Variants in PAPLN observed in about 807,000 individuals in gnomAD.
PAPLN encodes papilin.
PAPLN carries 146 observed loss-of-function variants against 159.0 expected under a neutral mutation model. That is an observed-to-expected ratio of 0.92 (90% CI 0.80 to 1.05). The LOEUF is 1.05. Among genes scored for constraint, PAPLN ranks in the 50% least tolerant of loss-of-function variants. The pLI is 0.00. For synonymous variants in PAPLN, 734 were observed against 702.9 expected (o/e 1.04, Z -0.70); for missense variants, 1,720 against 1,743.9 (o/e 0.99, Z 0.24).
Position 73,245,531 on chromosome 14 carries a change from C to A in PAPLN, c.171-105C>A. On this transcript the variant is annotated intron_variant, in intron 3 of 26. Transcript: ENST00000644200. This position sits in a 1 kb window ranked among gnomAD's most constrained non-coding sequence, Gnocchi z 4.2. ...CGGGGGACACCCTCTCACCTTGCTG[C>A]TCCCACTGGAGAGTCCCGCAGAAGT... is the stretch of plus-strand genomic sequence containing the variant. 7.8e-7 allele frequency: 1 copy of A among 1,277,542 alleles called. No homozygotes were observed. The highest frequency in any genetic ancestry group is 1.1e-6 in the Non-Finnish European group (1 of 924,248). 79.1% of individuals were successfully genotyped at this position (1,277,542 alleles called of 1,614,324 possible). A position where few individuals can be genotyped will look rare whatever the true frequency, so the allele number is the denominator to read the frequency against.
chr14:73,265,575 C>G lies in PAPLN; in HGVS notation c.3263+68C>G, dbSNP rs1332208923. The G allele has an allele frequency of 2.5e-6, 4 of 1,571,930 alleles. No individual in the cohort carries two copies. In the East Asian group the frequency reaches 9.0e-5, roughly 35 times the overall value. On this transcript the variant is annotated intron_variant, in intron 23 of 26. Coordinates refer to ENST00000644200, the MANE Select transcript of PAPLN (RefSeq NM_001365906.3). The surrounding 1 kb of genome is among the most constrained non-coding windows in gnomAD (Gnocchi z 4.1). ...CCCCACCTTATCCTATGGAGGCCAC[C>G]GGGGAAGGGAGCTGCTAGCGCATGG...
rs781454046 is a variant in PAPLN, at chr14:73,259,477, C to T, written c.1917C>T (p.Pro639=). 1.9e-5 allele frequency: 30 copies of T among 1,608,566 alleles called. No homozygotes were observed. Among genetic ancestry groups the T allele is most frequent in the South Asian group, 3.3e-5 (3 of 90,254 alleles). Residue 639 remains proline (P), a synonymous_variant, in exon 16 of 27, where the codon CCC becomes CCT. Coordinates refer to ENST00000644200, the MANE Select transcript of PAPLN (RefSeq NM_001365906.3). ...DCRHSPHGCC[P]DGHTASLGPQ... Reference sequence around the variant, plus strand: ...GACACAGTCCTCACGGGTGCTGCCCCGATGGCCACACGGCATCTCTCGGGC... The same window carrying T: ...GACACAGTCCTCACGGGTGCTGCCCTGATGGCCACACGGCATCTCTCGGGC...
intron 11 of PAPLN, chr14:73,253,311 G>A: frequency 8.0e-7 from 1 of 1,244,942 alleles, no homozygotes; most frequent in Non-Finnish European, 1.1e-6. Context: ...TCCTGGGATG[G>A]TGGCGGACTT....
Position 73,245,714 on chromosome 14 carries a change from C to CG in PAPLN, c.231+21dup. 1 of 1,539,986 alleles carries CG rather than the reference C, an allele frequency of 6.5e-7. No homozygotes were observed. Among genetic ancestry groups the CG allele is most frequent in the Non-Finnish European group, 8.7e-7 (1 of 1,147,162 alleles). ...GCACGGAGGTAAAGCTCACGGGGCG[C>CG]GGGCGAAGGCACCAGCTTCCCCAGC... is the stretch of plus-strand genomic sequence containing the variant. On this transcript the variant is annotated intron_variant, in intron 4 of 26. Transcript: ENST00000644200. This position sits in a 1 kb window ranked among gnomAD's most constrained non-coding sequence, Gnocchi z 4.2.
intron 19 of PAPLN, 27 bp downstream of exon 19, chr14:73,262,854 G>T: frequency 7.0e-7 from 1 of 1,431,880 alleles, no homozygotes; most frequent in East Asian, 2.6e-5. Flanking sequence ...CCAGGTGAGG[G>T]GGTTAGGACG....
Position 73,239,821 on chromosome 14 carries a change from C to T in PAPLN, c.43C>T (p.Pro15Ser), listed in dbSNP as rs1883338322. 8 of 1,591,356 alleles carry T rather than the reference C, an allele frequency of 5.0e-6. No individual in the cohort carries two copies. Among genetic ancestry groups the T allele is most frequent in the Non-Finnish European group, 6.8e-6 (8 of 1,174,828 alleles). The change falls in exon 2 of 27, where the codon CCC (proline) becomes TCC (serine). Residue 15 changes from proline (P) to serine (S), a missense_variant. Physicochemically the swap from Pro to Ser is moderately conservative, Grantham distance 74. Coordinates refer to ENST00000644200, the MANE Select transcript of PAPLN (RefSeq NM_001365906.3). ...CGTGCCGCTGCTGCTGGCTCCAGCGCCCGGGTCCTCGGTGAGTGCGGTCCT... is the reference window on the plus strand; with the variant it reads ...CGTGCCGCTGCTGCTGGCTCCAGCGTCCGGGTCCTCGGTGAGTGCGGTCCT... ...LLVPLLLAPA[P>S]GSSAPKVRRQ...
At chr14:73,239,065 T>C (rs1883260471) in intron 1 of PAPLN, among the ~76,000 whole-genome samples, 1 of 152,222 alleles carries the variant, frequency 6.6e-6, no homozygotes, top group Non-Finnish European at 1.5e-5. Context: ...CCCCGCACAC[T>C]GCACATGCAC....
At chr14:73,260,502 C>T (rs1252947497) in intron 16 of PAPLN, among the ~76,000 whole-genome samples, 1 of 151,928 alleles carries the variant, frequency 6.6e-6, no homozygotes, top group African/African-American at 2.4e-5. Context: ...TTACGGCTGC[C>T]CTCCCTGGTA....
upstream of PAPLN, among the ~76,000 whole-genome samples, chr14:73,237,036 C>CTAGG (rs1305755931): frequency 6.6e-6 from 1 of 151,730 alleles, no homozygotes; most frequent in Non-Finnish European, 1.5e-5. Context: ...TGAGGGCTGA[C>CTAGG]TACGGGTTTG....
Position 73,245,279 on chromosome 14 carries a change from C to T in PAPLN, c.171-357C>T. ...GAGGAATGAGAGACCAGGAATGATC[C>T]TAAGAGCCTTATACTGATGTCCTGC... On this transcript the variant is annotated intron_variant, in intron 3 of 26. Coordinates refer to ENST00000644200, the MANE Select transcript of PAPLN (RefSeq NM_001365906.3). The surrounding 1 kb of genome is among the most constrained non-coding windows in gnomAD (Gnocchi z 4.2). 1 of 269,450 alleles carries T rather than the reference C, an allele frequency of 3.7e-6. No individual in the cohort carries two copies. Among genetic ancestry groups the T allele is most frequent in the South Asian group, 5.4e-5 (1 of 18,482 alleles). 16.7% of individuals were successfully genotyped at this position (269,450 alleles called of 1,614,324 possible).
chr14:73,266,112 G>A (rs555819556), intron 23 of PAPLN, among the ~76,000 whole-genome samples: 1 of 152,284 alleles, frequency 6.6e-6, no homozygotes, highest in Admixed American at 6.5e-5. Context: ...GCCGAGACGG[G>A]GGTGGATCAC....
intron 1 of PAPLN, 124 bp downstream of exon 1, chr14:73,237,716 C>A (rs1883116192): frequency 6.6e-6 from 1 of 152,234 alleles, no homozygotes; most frequent in Non-Finnish European, 1.5e-5. Context: ...AAGTGGGGGC[C>A]GCAGAGAAGA....
intron 21 of PAPLN, 62 bp from the exon 22 acceptor site, chr14:73,264,526 G>C (rs911480313): frequency 6.4e-7 from 1 of 1,550,694 alleles, no homozygotes. Context: ...CTCATGGCCC[G>C]CCCTTCCTTC....
chr14:73,268,589 G>A lies in PAPLN; in HGVS notation c.3533G>A (p.Arg1178His), dbSNP rs767852078. The A allele has an allele frequency of 1.1e-5, 17 of 1,613,338 alleles. No homozygotes were observed. The highest frequency in any genetic ancestry group is 1.6e-4 in the Middle Eastern group (1 of 6,078). The part of the protein sequence containing the change: ...NGLPVQADGH[R>H]VHQSPDGTLL... ...CTACCTGTGCAGGCTGATGGCCACC[G>A]TGTCCACCAGTCCCCAGATGGCACG... Residue 1178 changes from arginine (R) to histidine (H), a missense_variant, in exon 26 of 27, where the codon CGT becomes CAT. Physicochemically the swap from Arg to His is conservative, Grantham distance 29. Coordinates refer to ENST00000644200, the MANE Select transcript of PAPLN (RefSeq NM_001365906.3).
chr14:73,263,547 G>T, intron 19 of PAPLN, 98 bp from the exon 20 acceptor site: 5 of 1,517,068 alleles, frequency 3.3e-6, no homozygotes, highest in Non-Finnish European at 3.6e-6. Flanking sequence ...CCTGTGACAG[G>T]ATGGGCCCCA....
rs1177973784 is a variant in PAPLN, at chr14:73,261,147, C to T, written c.2107-9C>T. 3.1e-6 allele frequency: 5 copies of T among 1,614,148 alleles called. No individual in the cohort carries two copies. The highest frequency in any genetic ancestry group is 1.7e-5 in the Admixed American group (1 of 60,028). On this transcript the variant is annotated splice_polypyrimidine_tract_variant and intron_variant, in intron 17 of 26. Coordinates refer to ENST00000644200, the MANE Select transcript of PAPLN (RefSeq NM_001365906.3). ...CTGCCCACTTCCCAATCATGGGTTT[C>T]CTCCCCAGGTCCACAACACCCACCA...
chr14:73,239,076 T>G (rs1430242801), intron 1 of PAPLN, among the ~76,000 whole-genome samples: 1 of 151,982 alleles, frequency 6.6e-6, no homozygotes, highest in Non-Finnish European at 1.5e-5. Flanking sequence ...GCACATGCAC[T>G]TTGCATGCAT....
At chr14:73,263,807 TC>T in intron 20 of PAPLN, 25 bp downstream of exon 20, 1 of 1,583,484 alleles carries the variant, frequency 6.3e-7, no homozygotes, top group Non-Finnish European at 8.5e-7. Flanking sequence ...CCCCACCTCC[TC>T]TGACAGGTGT....
intron 5 of PAPLN, chr14:73,246,769 A>G (rs1047881258): frequency 2.0e-5 from 3 of 151,622 alleles, no homozygotes; most frequent in African/African-American, 7.3e-5. Context: ...TAATTTTTAA[A>G]GTAAATATGG....
Sources: gnomAD v4.1 joint callset for allele counts (sites outside exome capture counted in the v4.1 genomes callset) on GRCh38, gnomAD v4.1.1 for gene constraint, Gnocchi (gnomAD v3.1) non-coding constraint, MANE v1.5 for transcripts, NCBI Gene and HGNC (gene_info 2026-07-23, HGNC 2026-07-21) for gene names.